ADGRG3: variants seen among roughly 807,000 people sequenced by gnomAD.
ADGRG3 encodes G protein-coupled receptor 97.
In ADGRG3, 39 loss-of-function variants were observed where a neutral mutation model predicts 54.3. That is an observed-to-expected ratio of 0.72 (90% CI 0.56 to 0.94). The LOEUF is 0.94. ADGRG3 is among the 40% of genes least tolerant of loss of function. The pLI is 0.00. For missense variants in ADGRG3, 654 were observed against 694.6 expected (o/e 0.94, Z 0.66); for synonymous variants, 312 against 290.0 (o/e 1.08, Z -0.77).
chr16:57,684,207 G>T lies in ADGRG3; in HGVS notation c.1157G>T (p.Gly386Val). 1 of 1,612,202 alleles carries T rather than the reference G, an allele frequency of 6.2e-7. No individual in the cohort carries two copies. The highest frequency in any genetic ancestry group is 8.5e-7 in the Non-Finnish European group (1 of 1,178,710). The change falls in exon 9 of 12, where the codon GGC (glycine) becomes GTC (valine). Residue 386 changes from glycine (G) to valine (V), a missense_variant. Physicochemically the swap from Gly to Val is moderately radical, Grantham distance 109. Coordinates refer to ENST00000333493, the MANE Select transcript of ADGRG3 (RefSeq NM_170776.5). ...TACTTCCTGAAGCTGAGCCTGGTGG[G>T]CTGGGGTAGGTGCTGCCTGGATGGA... ...GHYFLKLSLVGWGLPALMVIG... is the reference protein window; with the variant it reads ...GHYFLKLSLVVWGLPALMVIG...
At position 57,688,834 on chromosome 16, in the gene ADGRG3, T is replaced by C; in HGVS notation, c.*373T>C. The C allele has an allele frequency of 5.7e-6, 1 of 173,950 alleles. No homozygotes were observed. Among genetic ancestry groups the C allele is most frequent in the Non-Finnish European group, 1.2e-5 (1 of 80,780 alleles). 10.8% of individuals were successfully genotyped at this position (173,950 alleles called of 1,614,324 possible). A position where few individuals can be genotyped will look rare whatever the true frequency, so the allele number is the denominator to read the frequency against. On this transcript the variant is annotated 3_prime_UTR_variant, in exon 12 of 12. Coordinates refer to ENST00000333493, the MANE Select transcript of ADGRG3 (RefSeq NM_170776.5). The stretch of plus-strand genomic sequence containing the variant: ...AAGGAGCCCCCAGCCTCTCCCCTCC[T>C]CCTCCTTGTCACTGGCCTCCCACAA...
At chr16:57,673,064 G>C (rs1284733028) in intron 1 of ADGRG3, among the ~76,000 whole-genome samples, 1 of 152,186 alleles carries the variant, frequency 6.6e-6, no homozygotes, top group African/African-American at 2.4e-5. Context: ...TTTATTTACA[G>C]AGCCATGTGC....
Position 57,679,167 on chromosome 16 carries a change from C to T in ADGRG3, c.493-10C>T. On this transcript the variant is annotated splice_polypyrimidine_tract_variant and intron_variant, in intron 4 of 11. Transcript: ENST00000333493. ...CTGCAGCCTGGCCTCCCCGATCTCC[C>T]CTTTCACAGGGCCCCCGGCTCGGCC... 6.2e-7 allele frequency: 1 copy of T among 1,613,550 alleles called. No homozygotes were observed. The highest frequency in any genetic ancestry group is 8.5e-7 in the Non-Finnish European group (1 of 1,179,840).
At chr16:57,684,520 TC>T (rs749495751) in intron 10 of ADGRG3, 37 bp downstream of exon 10, 1 of 1,460,328 alleles carries the variant, frequency 6.8e-7, no homozygotes, top group Non-Finnish European at 9.6e-7. Context: ...TGATGCCAGC[TC>T]CCCGGCTACA....
intron 1 of ADGRG3, among the ~76,000 whole-genome samples, chr16:57,669,319 T>G (rs912266796): frequency 6.6e-6 from 1 of 152,204 alleles, no homozygotes; most frequent in Non-Finnish European, 1.5e-5. Flanking sequence ...TTTCAAACAT[T>G]GGAAGATTCA....
chr16:57,683,966 C>A lies in ADGRG3; in HGVS notation c.916C>A (p.Pro306Thr), dbSNP rs772655041. 6.3e-7 allele frequency: 1 copy of A among 1,582,474 alleles called. No homozygotes were observed. The highest frequency in any genetic ancestry group is 1.2e-5 in the South Asian group (1 of 86,544). Residue 306 changes from proline to threonine, a missense_variant, in exon 9 of 12, where the codon CCA becomes ACA. By Grantham distance (38) the Pro-to-Thr change is conservative (BLOSUM62 -1). Transcript: ENST00000333493. Reference protein sequence around the residue: ...SRERFKSEDAPKIHVALGGSL... With the variant: ...SRERFKSEDATKIHVALGGSL... ...GGAGAGGTTCAAGTCAGAAGATGCC[C>A]CAAAGATCCACGTGGCCCTGGGTGG...
intron 1 of ADGRG3, among the ~76,000 whole-genome samples, chr16:57,670,730 A>G (rs1361569556): frequency 2.0e-5 from 3 of 152,214 alleles, no homozygotes; most frequent in Non-Finnish European, 4.4e-5. Context: ...TATCACATAT[A>G]GAGTCCATTA....
In ADGRG3 at chr16:57,683,940, G is replaced by A. The variant is rs200448755; in HGVS notation, c.890G>A (p.Arg297Gln). Reference protein sequence around the residue: ...IILYAFLRLSRERFKSEDAPK... With the variant: ...IILYAFLRLSQERFKSEDAPK... ...CTTATTTCTCACCCCAGGCTTTCCC[G>A]GGAGAGGTTCAAGTCAGAAGATGCC... is the stretch of plus-strand genomic sequence containing the variant. Residue 297 changes from arginine (R) to glutamine (Q), a missense_variant, in exon 9 of 12, where the codon CGG (arginine) becomes CAG (glutamine). Arg to Gln is a conservative substitution (Grantham distance 43). Coordinates refer to ENST00000333493, the MANE Select transcript of ADGRG3 (RefSeq NM_170776.5). 2.2e-5 allele frequency: 34 copies of A among 1,548,690 alleles called. No homozygotes were observed. Among genetic ancestry groups the A allele is most frequent in the Middle Eastern group, 1.7e-4 (1 of 5,716 alleles).
Position 57,669,902 on chromosome 16 carries a change from C to T in ADGRG3, c.58+1497C>T, listed in dbSNP as rs188868384. ...CATGAAGGGACACGTGACAAAGGTG[C>T]GGGCAGGGCACGGGGAGCAAGGAGG... is the stretch of plus-strand genomic sequence containing the variant. On this transcript the variant is annotated intron_variant, in intron 1 of 11. Transcript: ENST00000333493. Among the ~76,000 whole-genome samples, 6 of 152,190 alleles carry T rather than the reference C, an allele frequency of 3.9e-5. No homozygotes were observed. In the East Asian group the frequency reaches 5.8e-4, roughly 15 times the overall value.
chr16:57,681,532 C>A (rs1443414258), intron 8 of ADGRG3, among the ~76,000 whole-genome samples: 1 of 152,034 alleles, frequency 6.6e-6, no homozygotes, highest in Non-Finnish European at 1.5e-5. Context: ...ACCAGTCTGG[C>A]CAACATGGTG....
Position 57,677,399 on chromosome 16 carries a change from A to G in ADGRG3, c.346-771A>G, listed in dbSNP as rs149406179. 1.2e-3 allele frequency among the ~76,000 whole-genome samples: 185 copies of G among 152,342 alleles called. 1 individual carries two copies. The highest frequency in any genetic ancestry group is 4.0e-3 in the African/African-American group (166 of 41,574). The stretch of plus-strand genomic sequence containing the variant: ...GGAGTTCGAAACCAGCCTGGCCAAC[A>G]TGGTGAAACCTTGTCTCTACTAAAA... On this transcript the variant is annotated intron_variant, in intron 3 of 11. Coordinates refer to ENST00000333493, the MANE Select transcript of ADGRG3 (RefSeq NM_170776.5).
chr16:57,681,007 C>T (rs769628879), intron 8 of ADGRG3: 3 of 207,794 alleles, frequency 1.4e-5, no homozygotes, highest in Admixed American at 5.1e-5. Flanking sequence ...ACAGTCACAT[C>T]GGGCAGCTTT....
intron 3 of ADGRG3, 51 bp downstream of exon 3, chr16:57,676,389 A>C: frequency 6.4e-7 from 1 of 1,569,836 alleles, no homozygotes; most frequent in Non-Finnish European, 8.7e-7. Flanking sequence ...TTTTTCTTGG[A>C]CGTATATTTC....
chr16:57,671,313 A>C (rs2048151834), intron 1 of ADGRG3, among the ~76,000 whole-genome samples: 1 of 150,998 alleles, frequency 6.6e-6, no homozygotes, highest in Non-Finnish European at 1.5e-5. Flanking sequence ...AAGCACATAC[A>C]GAAAGTCCTA....
intron 2 of ADGRG3, chr16:57,674,465 C>A: frequency 3.3e-6 from 1 of 301,892 alleles, no homozygotes; most frequent in South Asian, 2.6e-5. Context: ...TACATTAGTA[C>A]TTAATAAATA....
rs758608030 is a variant in ADGRG3 at position 57,684,172 on chromosome 16, C to T, written c.1122C>T (p.Tyr374=). The T allele has an allele frequency of 1.7e-5, 27 of 1,613,826 alleles. No individual in the cohort carries two copies. Among genetic ancestry groups the T allele is most frequent in the Admixed American group, 1.7e-5 (1 of 59,986 alleles). ...YLLAVRVFNT[Y]FGHYFLKLSL... is the part of the protein sequence containing the mutation. ...TCGCTGTCAGGGTCTTCAACACCTA[C>T]TTCGGGCACTACTTCCTGAAGCTGA... Residue 374 remains tyrosine, a synonymous_variant, in exon 9 of 12, where the codon TAC becomes TAT. Transcript: ENST00000333493.
chr16:57,666,830 C>T (rs2048069124), upstream of ADGRG3, among the ~76,000 whole-genome samples: 1 of 152,196 alleles, frequency 6.6e-6, no homozygotes. Context: ...TGCTCACCCC[C>T]AGGCGCTTCT....
intron 4 of ADGRG3, 79 bp downstream of exon 4, chr16:57,678,395 CTG>C: frequency 1.4e-6 from 2 of 1,443,678 alleles, no homozygotes; most frequent in Non-Finnish European, 1.9e-6. Context: ...TCACTGGAGC[CTG>C]CCGAGGGATC....
At chr16:57,685,602 G>A in intron 10 of ADGRG3, 41 bp from the exon 11 acceptor site, 1 of 1,598,774 alleles carries the variant, frequency 6.3e-7, no homozygotes, top group South Asian at 1.1e-5. Flanking sequence ...GCTGGCCAGA[G>A]GTACCACTCC....
Sources: allele counts gnomAD v4.1 joint callset (sites outside exome capture counted in the v4.1 genomes callset), GRCh38; gene constraint gnomAD v4.1.1; transcripts MANE v1.5; gene names NCBI Gene and HGNC (gene_info 2026-07-23, HGNC 2026-07-21).